Variants in ESR1 observed in about 807,000 individuals in gnomAD.
ESR1 encodes estrogen receptor.
ESR1 carries 12 observed loss-of-function variants against 52.7 expected under a neutral mutation model. The ratio of observed to expected loss-of-function variants is 0.23; its 90% CI spans 0.15 to 0.37. The LOEUF is 0.37. ESR1 is among the 10% of genes least tolerant of loss of function. The pLI is 1.00. For missense variants in ESR1, 584 were observed against 779.7 expected (o/e 0.75, Z 2.99); for synonymous variants, 305 against 316.8 (o/e 0.96, Z 0.39).
At chr6:151,695,761 G>A (rs1283525925) in intron 1 of ESR1, among the ~76,000 whole-genome samples, 1 of 152,250 alleles carries the variant, frequency 6.6e-6, no homozygotes, top group Non-Finnish European at 1.5e-5. Context: ...TTTATTAGAA[G>A]CAATAACTGG....
chr6:151,983,142 A>G (rs2040150222), intron 4 of ESR1, among the ~76,000 whole-genome samples: 1 of 152,128 alleles, frequency 6.6e-6, no homozygotes, highest in Non-Finnish European at 1.5e-5. Flanking sequence ...CAGCTTTAGA[A>G]TGACAGTTCA....
At chr6:151,715,454 C>T (rs1369335895) in intron 2 of ESR1, among the ~76,000 whole-genome samples, 3 of 148,316 alleles carry the variant, frequency 2.0e-5, no homozygotes, top group Non-Finnish European at 4.5e-5. Flanking sequence ...TCCATTCTTT[C>T]TGTCACTTTC....
intron 2 of ESR1, among the ~76,000 whole-genome samples, chr6:151,726,834 A>G (rs1781882842): frequency 6.6e-6 from 1 of 152,114 alleles, no homozygotes; most frequent in Non-Finnish European, 1.5e-5. Flanking sequence ...TCTTCTTCCT[A>G]GCTCCGTAAC....
At chr6:151,931,116 C>T (rs1465723883) in intron 3 of ESR1, among the ~76,000 whole-genome samples, 2 of 152,108 alleles carry the variant, frequency 1.3e-5, no homozygotes, top group Non-Finnish European at 2.9e-5. Context: ...AAGTTCTCAG[C>T]CATTACTACC....
chr6:152,063,853 C>T (rs948027702), intron 6 of ESR1, among the ~76,000 whole-genome samples: 2 of 152,078 alleles, frequency 1.3e-5, no homozygotes, highest in Non-Finnish European at 2.9e-5. Flanking sequence ...TTGTGTTGAG[C>T]CCCAGTCGCC....
At chr6:151,669,993 A>G (rs1378732252) in intron 1 of ESR1, among the ~76,000 whole-genome samples, 1 of 152,190 alleles carries the variant, frequency 6.6e-6, no homozygotes, top group Admixed American at 6.5e-5. Flanking sequence ...AAAACTTAGT[A>G]TTGGAGGGAG....
At chr6:151,986,980 T>A (rs2040550136) in intron 4 of ESR1, among the ~76,000 whole-genome samples, 1 of 152,082 alleles carries the variant, frequency 6.6e-6, no homozygotes, top group Non-Finnish European at 1.5e-5. Context: ...TGGCAGGCTT[T>A]GTTTTAGAAA....
At chr6:151,836,236 A>G (rs1783306928) in intron 1 of ESR1, among the ~76,000 whole-genome samples, 3 of 152,230 alleles carry the variant, frequency 2.0e-5, no homozygotes, top group African/African-American at 7.2e-5. Flanking sequence ...TTAATCTGTT[A>G]TCATGCTGCT....
At chr6:151,729,166 G>T (rs1782058535) in intron 2 of ESR1, among the ~76,000 whole-genome samples, 1 of 152,098 alleles carries the variant, frequency 6.6e-6, no homozygotes, top group South Asian at 2.1e-4. Flanking sequence ...CTCAAGAAAA[G>T]GATTAGTGCC....
intron 3 of ESR1, among the ~76,000 whole-genome samples, chr6:151,909,951 A>G (rs890352134): frequency 6.6e-6 from 1 of 152,094 alleles, no homozygotes; most frequent in Non-Finnish European, 1.5e-5. Context: ...AAATCTAATC[A>G]TAAGAATCTA....
intron 1 of ESR1, among the ~76,000 whole-genome samples, chr6:151,666,213 A>G (rs1042463280): frequency 2.6e-5 from 4 of 152,200 alleles, no homozygotes; most frequent in African/African-American, 9.6e-5. Context: ...AAAACTCAAC[A>G]AGTTCCATGC....
chr6:151,788,800 C>G (rs117464851), intron 2 of ESR1, among the ~76,000 whole-genome samples: 1 of 152,214 alleles, frequency 6.6e-6, no homozygotes, highest in Admixed American at 6.5e-5. Context: ...ATGTCCTTTT[C>G]AGGAACATGG....
At position 152,100,083 on chromosome 6, in the gene ESR1, A is replaced by C. The variant is rs1214888922; in HGVS notation, c.*1117A>C. 6 of 398,758 alleles carry C rather than the reference A, an allele frequency of 1.5e-5. No individual in the cohort carries two copies. Among genetic ancestry groups the C allele is most frequent in the Admixed American group, 8.8e-5 (2 of 22,724 alleles). 24.7% of individuals were successfully genotyped at this position (398,758 alleles called of 1,614,324 possible). On this transcript the variant is annotated 3_prime_UTR_variant, in exon 8 of 8. Transcript: ENST00000206249. ...TTCTGAGGCACAGCCAGACTTGCTC[A>C]GGGTGGCCCTGCCACAGGCTGCAGC... is the stretch of plus-strand genomic sequence containing the variant.
At chr6:151,890,089 C>CTTTTTTTTTTTTTTTTTTTTTTTTTT (rs769048933) in intron 3 of ESR1, among the ~76,000 whole-genome samples, 1 of 140,760 alleles carries the variant, frequency 7.1e-6, no homozygotes. Context: ...TGTTTTTTTT[C>CTTTTTTTTTTTTTTTTTTTTTTTTTT]TTTTTTTTTT....
intron 2 of ESR1, among the ~76,000 whole-genome samples, chr6:151,724,910 G>A (rs1051972833): frequency 6.6e-6 from 1 of 152,042 alleles, no homozygotes; most frequent in Admixed American, 6.5e-5. Flanking sequence ...GGAATCTCAG[G>A]TAACCTATAA....
intron 3 of ESR1, 29 bp downstream of exon 3, chr6:151,880,800 G>A (rs1024864989): frequency 6.5e-6 from 8 of 1,223,400 alleles, no homozygotes; most frequent in Non-Finnish European, 9.7e-6. Flanking sequence ...GGGGCCCTTG[G>A]GGATGGCCCT....
At chr6:152,005,952 G>A (rs1167421922) in intron 4 of ESR1, among the ~76,000 whole-genome samples, 1 of 152,056 alleles carries the variant, frequency 6.6e-6, no homozygotes, top group African/African-American at 2.4e-5. Context: ...ATATTGGCAA[G>A]GTGGTTATTT....
chr6:151,853,607 G>T (rs1159823870), intron 2 of ESR1, among the ~76,000 whole-genome samples: 5 of 152,100 alleles, frequency 3.3e-5, no homozygotes, highest in Non-Finnish European at 5.9e-5. Context: ...CTATTTCTTG[G>T]CAGCTTTTGT....
At chr6:151,968,473 G>T (rs1002123200) in intron 4 of ESR1, among the ~76,000 whole-genome samples, 1 of 152,152 alleles carries the variant, frequency 6.6e-6, no homozygotes, top group Non-Finnish European at 1.5e-5. Context: ...ACCATCATCA[G>T]GGTGAACAGG....
Sources: allele counts gnomAD v4.1 joint callset (sites outside exome capture counted in the v4.1 genomes callset), GRCh38; gene constraint gnomAD v4.1.1; transcripts MANE v1.5; gene names NCBI Gene and HGNC (gene_info 2026-07-23, HGNC 2026-07-21).